Variants in IGHMBP2 observed in about 807,000 individuals in gnomAD.
The protein encoded by IGHMBP2 is immunoglobulin mu DNA binding protein 2.
IGHMBP2 carries 81 observed loss-of-function variants against 96.0 expected under a neutral mutation model. That is an observed-to-expected ratio of 0.84 (90% CI 0.71 to 1.01). The LOEUF is 1.01. IGHMBP2 is among the 50% of genes least tolerant of loss of function. The pLI is 0.00. For missense variants in IGHMBP2, 1,227 were observed against 1,306.3 expected (o/e 0.94, Z 0.94); for synonymous variants, 557 against 548.9 (o/e 1.01, Z -0.21).
intron 12 of IGHMBP2, 116 bp from the exon 13 acceptor site, chr11:68,936,121 G>T (rs1859516830): frequency 1.6e-6 from 2 of 1,212,140 alleles, no homozygotes; most frequent in Non-Finnish European, 2.4e-6. Context: ...CCGTGTGGAT[G>T]GTGGGCCACG....
At chr11:68,934,284 A>G in intron 10 of IGHMBP2, 180 bp from the exon 11 acceptor site, 1 of 676,208 alleles carries the variant, frequency 1.5e-6, no homozygotes, top group Non-Finnish European at 2.7e-6. Flanking sequence ...GTGAAATTCA[A>G]GTTAGCTGGG....
intron 13 of IGHMBP2, 94 bp downstream of exon 13, chr11:68,937,185 C>A: frequency 6.7e-7 from 1 of 1,485,678 alleles, no homozygotes; most frequent in South Asian, 1.1e-5. Flanking sequence ...GAAGGAAGGG[C>A]TTCCTCCTGG....
At chr11:68,915,871 A>G (rs1053154316) in intron 6 of IGHMBP2, among the ~76,000 whole-genome samples, 1 of 151,602 alleles carries the variant, frequency 6.6e-6, no homozygotes, top group African/African-American at 2.4e-5. Flanking sequence ...GGTGTGAGGA[A>G]TTGTAAAGAA....
rs780961121 is a variant in IGHMBP2, at chr11:68,911,489, G to A, written c.597G>A (p.Ala199=). The A allele has an allele frequency of 3.7e-6, 6 of 1,614,060 alleles. No individual in the cohort carries two copies. The highest frequency in any genetic ancestry group is 2.2e-5 in the East Asian group (1 of 44,880). Residue 199 remains alanine (A), a synonymous_variant, in exon 5 of 15, where the codon GCG becomes GCA. Transcript: ENST00000255078. ...NTCLDTSQKE[A]VLFALSQKEL... ...GCCTGGACACCTCCCAGAAAGAAGC[G>A]GTTTTATTTGCGCTGTCTCAGAAAG...
intron 6 of IGHMBP2, among the ~76,000 whole-genome samples, chr11:68,916,106 G>A (rs1298456534): frequency 2.0e-5 from 3 of 149,452 alleles, no homozygotes; most frequent in Non-Finnish European, 1.5e-5. Flanking sequence ...CCTGGGAGGT[G>A]GAGGTTGCAG....
chr11:68,930,433 G>C (rs762272501), intron 8 of IGHMBP2: 2 of 1,289,442 alleles, frequency 1.6e-6, no homozygotes, highest in African/African-American at 3.0e-5. Flanking sequence ...AGGAGTTGGC[G>C]GGTATGTAGA....
chr11:68,934,508 G>T lies in IGHMBP2; in HGVS notation c.1582G>T (p.Ala528Ser). 1 of 1,612,868 alleles carries T rather than the reference G, an allele frequency of 6.2e-7. No individual in the cohort carries two copies. Among genetic ancestry groups the T allele is most frequent in the Non-Finnish European group, 8.5e-7 (1 of 1,179,424 alleles). Residue 528 changes from alanine (A) to serine (S), a missense_variant, in exon 11 of 15, where the codon GCT becomes TCT. Physicochemically the swap from Ala to Ser is moderately conservative, Grantham distance 99 (BLOSUM62 1). Transcript: ENST00000255078. ...TTTGCACATCCAGGCTCTGGTGGAC[G>T]CTGGTGTTCCAGCCCGTGACATTGC... is the stretch of plus-strand genomic sequence containing the variant. ...VSLHIQALVDAGVPARDIAVV... is the reference protein window; with the variant it reads ...VSLHIQALVDSGVPARDIAVV...
In IGHMBP2 at chr11:68,906,163, G is replaced by C. The variant is rs1057518943; in HGVS notation, c.181G>C (p.Gly61Arg). 18 of 1,614,072 alleles carry C rather than the reference G, an allele frequency of 1.1e-5. No homozygotes were observed. The highest frequency in any genetic ancestry group is 1.5e-5 in the Non-Finnish European group (18 of 1,180,046). Residue 61 changes from glycine to arginine, a missense_variant, in exon 2 of 15, where the codon GGA (glycine) becomes CGA (arginine). Coordinates refer to ENST00000255078, the MANE Select transcript of IGHMBP2 (RefSeq NM_002180.3). ...ATCCAGCCAGCGCACTGGGCTGTAC[G>C]GACGGCTGCTGGTCACCTTTGAGCC... ...QVSSQRTGLYGRLLVTFEPRR... is the reference protein window; with the variant it reads ...QVSSQRTGLYRRLLVTFEPRR...
In IGHMBP2 at chr11:68,906,153, T is replaced by C; in HGVS notation, c.171T>C (p.Thr57=). 4 of 1,614,196 alleles carry C rather than the reference T, an allele frequency of 2.5e-6. No individual in the cohort carries two copies. Among genetic ancestry groups the C allele is most frequent in the Non-Finnish European group, 3.4e-6 (4 of 1,180,020 alleles). ...LLKLQVSSQR[T]GLYGRLLVTF... is the part of the protein sequence containing the mutation. ...AGCTGCAGGTATCCAGCCAGCGCACTGGGCTGTACGGACGGCTGCTGGTCA... is the reference window on the plus strand; with the variant it reads ...AGCTGCAGGTATCCAGCCAGCGCACCGGGCTGTACGGACGGCTGCTGGTCA... Residue 57 remains threonine, a synonymous_variant, in exon 2 of 15, where the codon ACT becomes ACC. Coordinates refer to ENST00000255078, the MANE Select transcript of IGHMBP2 (RefSeq NM_002180.3).
chr11:68,938,147 T>C (rs987390846), intron 13 of IGHMBP2, 35 bp from the exon 14 acceptor site: 5 of 1,613,014 alleles, frequency 3.1e-6, no homozygotes, highest in African/African-American at 1.3e-5. Context: ...AGGTGTTGTC[T>C]TTCCGTTTGC....
At chr11:68,915,922 C>G (rs1858647010) in intron 6 of IGHMBP2, among the ~76,000 whole-genome samples, 2 of 151,842 alleles carry the variant, frequency 1.3e-5, no homozygotes, top group Non-Finnish European at 2.9e-5. Flanking sequence ...ACGTGCAATC[C>G]CAGCACTTTG....
Position 68,939,974 on chromosome 11 carries a change from G to A in IGHMBP2, c.*243G>A, listed in dbSNP as rs1263725126. 4 of 562,234 alleles carry A rather than the reference G, an allele frequency of 7.1e-6. No homozygotes were observed. The East Asian group carries it at 8.9e-5, about 13-fold the overall frequency. 34.8% of individuals were successfully genotyped at this position (562,234 alleles called of 1,614,324 possible). Reference sequence around the variant, plus strand: ...TGCAGGTGGGGCTTGGGAAATGCACGTCCCTTCCCCTTACTCCCCGCCAAA... The same window carrying A: ...TGCAGGTGGGGCTTGGGAAATGCACATCCCTTCCCCTTACTCCCCGCCAAA... On this transcript the variant is annotated 3_prime_UTR_variant, in exon 15 of 15. Transcript: ENST00000255078.
At chr11:68,917,001 T>TTA (rs1410328546) in intron 6 of IGHMBP2, among the ~76,000 whole-genome samples, 2 of 144,646 alleles carry the variant, frequency 1.4e-5, no homozygotes, top group African/African-American at 2.6e-5. Context: ...TTTTTTTTTT[T>TTA]AAAGAATCTT....
rs1422242222 is a variant in IGHMBP2 at position 68,934,516 on chromosome 11, T to A, written c.1590T>A (p.Val530=). The A allele has an allele frequency of 6.2e-7, 1 of 1,612,990 alleles. No homozygotes were observed. The highest frequency in any genetic ancestry group is 1.3e-5 in the African/African-American group (1 of 74,912). Residue 530 remains valine, a synonymous_variant, in exon 11 of 15, where the codon GTT becomes GTA. Coordinates refer to ENST00000255078, the MANE Select transcript of IGHMBP2 (RefSeq NM_002180.3). ...TCCAGGCTCTGGTGGACGCTGGTGT[T>A]CCAGCCCGTGACATTGCTGTGGTCT... ...LHIQALVDAG[V]PARDIAVVSP...
chr11:68,937,032 A>G lies in IGHMBP2; in HGVS notation c.2552A>G (p.Lys851Arg), dbSNP rs773786997. 6.2e-7 allele frequency: 1 copy of G among 1,607,572 alleles called. No homozygotes were observed. ...AGCGCGCAGGGGCAGCCCGCCAGCA[A>G]GGAGCAGCAGGCCTCAGGGCAGCAG... is the stretch of plus-strand genomic sequence containing the variant. ...VRSAQGQPAS[K>R]EQQASGQQKL... Residue 851 changes from lysine to arginine, a missense_variant, in exon 13 of 15, where the codon AAG becomes AGG. Physicochemically the swap from Lys to Arg is conservative, Grantham distance 26 (BLOSUM62 2). This residue lies in a region of IGHMBP2 where 703 missense variants were observed against 770.3 expected (regional missense o/e 0.91). Transcript: ENST00000255078.
rs71043470 is a variant in IGHMBP2, at chr11:68,915,166, C to CTTTTTTTTTTTTTTTTTTTTTT, written c.912+152_912+173dup. On this transcript the variant is annotated intron_variant, in intron 6 of 14. Coordinates refer to ENST00000255078, the MANE Select transcript of IGHMBP2 (RefSeq NM_002180.3). ...TAATAATTTTAAAAATTGGGCTGCCCTTTTTTTTTTTTTTTTTTTTTTTTT... is the reference window on the plus strand; with the variant it reads ...TAATAATTTTAAAAATTGGGCTGCCCTTTTTTTTTTTTTTTTTTTTTTTTTTTTTTTTTTTTTTTTTTTTTTT... The CTTTTTTTTTTTTTTTTTTTTTT allele has an allele frequency of 2.3e-4, 48 of 206,376 alleles. 4 individuals carry two copies. The highest frequency in any genetic ancestry group is 3.1e-4 in the Non-Finnish European group (38 of 123,780). 12.8% of individuals were successfully genotyped at this position (206,376 alleles called of 1,614,324 possible).
In IGHMBP2 at chr11:68,936,849, G is replaced by A. The variant is rs147038490; in HGVS notation, c.2369G>A (p.Arg790Gln). 4.4e-4 allele frequency: 708 copies of A among 1,613,258 alleles called. 1 individual carries two copies. Among genetic ancestry groups the A allele is most frequent in the Non-Finnish European group, 5.3e-4 (629 of 1,179,948 alleles). Reference sequence around the variant, plus strand: ...GTGAGCAAGAGGGCCCCGCGACCCCGAGCAGCCCTGGGACCCCCAGCAGGG... The same window carrying A: ...GTGAGCAAGAGGGCCCCGCGACCCCAAGCAGCCCTGGGACCCCCAGCAGGG... The part of the protein sequence containing the change: ...ITVSKRAPRP[R>Q]AALGPPAGTG... Residue 790 changes from arginine (R) to glutamine (Q), a missense_variant, in exon 13 of 15, where the codon CGA becomes CAA. By Grantham distance (43) the Arg-to-Gln change is conservative (BLOSUM62 1). This residue lies in a region of IGHMBP2 where 703 missense variants were observed against 770.3 expected (regional missense o/e 0.91). Transcript: ENST00000255078.
intron 5 of IGHMBP2, among the ~76,000 whole-genome samples, chr11:68,913,058 A>C (rs1213143199): frequency 2.0e-5 from 3 of 150,212 alleles, no homozygotes; most frequent in Non-Finnish European, 3.0e-5. Context: ...AAAAAAAAAA[A>C]AAAAAAAAAA....
At position 68,936,241 on chromosome 11, in the gene IGHMBP2, A is replaced by G; in HGVS notation, c.1761A>G (p.Glu587=). Residue 587 remains glutamate, a synonymous_variant, in exon 13 of 15, where the codon GAA becomes GAG. Coordinates refer to ENST00000255078, the MANE Select transcript of IGHMBP2 (RefSeq NM_002180.3). The stretch of plus-strand genomic sequence containing the variant: ...CTCCCCTCTGGCCTTTTGTAGGTGA[A>G]GTTGGTTTTCTTGCTGAGGACCGGA... ...LSFVRSNRKG[E]VGFLAEDRRI... The G allele has an allele frequency of 6.2e-7, 1 of 1,614,066 alleles. No individual in the cohort carries two copies. The highest frequency in any genetic ancestry group is 1.3e-5 in the African/African-American group (1 of 75,028).
Sources: allele counts gnomAD v4.1 joint callset (sites outside exome capture counted in the v4.1 genomes callset), GRCh38; gene constraint gnomAD v4.1.1; regional missense constraint gnomAD v4.1.1; transcripts MANE v1.5; gene names NCBI Gene and HGNC (gene_info 2026-07-23, HGNC 2026-07-21).